ATG13: variants seen among roughly 807,000 people sequenced by gnomAD.
The protein encoded by ATG13 is autophagy-related protein 13.
A neutral mutation model predicts 65.5 loss-of-function variants in ATG13; 23 were observed. That is an observed-to-expected ratio of 0.35 (90% CI 0.25 to 0.50). The LOEUF (loss-of-function observed/expected upper bound fraction) is 0.50, where lower values mean the gene tolerates loss of function less well. ATG13 is among the 20% of genes least tolerant of loss of function. The pLI, the probability that ATG13 is intolerant of heterozygous loss-of-function variation, is 0.98. For synonymous variants in ATG13, 252 were observed against 245.2 expected (o/e 1.03, Z -0.26); for missense variants, 566 against 677.0 (o/e 0.84, Z 1.82).
chr11:46,663,618 A>T (rs2061638125), intron 11 of ATG13, among the ~76,000 whole-genome samples: 4 of 152,204 alleles, frequency 2.6e-5, no homozygotes, highest in Admixed American at 1.3e-4. Context: ...CACACCTTGC[A>T]TCTGCAGTCA....
At chr11:46,631,819 G>A (rs1017644660) in intron 2 of ATG13, among the ~76,000 whole-genome samples, 2 of 152,142 alleles carry the variant, frequency 1.3e-5, no homozygotes, top group African/African-American at 4.8e-5. Context: ...GTCCAGGCTT[G>A]CAGTGAGCTA....
intron 10 of ATG13, among the ~76,000 whole-genome samples, chr11:46,658,889 T>C (rs374092184): frequency 4.3e-4 from 66 of 152,222 alleles, no homozygotes; most frequent in African/African-American, 1.5e-3. Context: ...TCAGGTAAGA[T>C]GTTTGGGTTT....
At chr11:46,662,541 A>G (rs182491281) in intron 11 of ATG13, among the ~76,000 whole-genome samples, 4 of 152,186 alleles carry the variant, frequency 2.6e-5, no homozygotes, top group Non-Finnish European at 4.4e-5. Flanking sequence ...TTGCAATTTA[A>G]AACTAGATCA....
intron 1 of ATG13, chr11:46,629,771 G>GTT (rs2051029202): frequency 6.6e-6 from 1 of 152,072 alleles, no homozygotes; most frequent in African/African-American, 2.4e-5. Context: ...GCTCCCCCTT[G>GTT]TTAGAATACA....
At chr11:46,663,608 C>T (rs1044663914) in intron 11 of ATG13, among the ~76,000 whole-genome samples, 3 of 152,216 alleles carry the variant, frequency 2.0e-5, no homozygotes, top group African/African-American at 7.2e-5. Flanking sequence ...TCATCTTCAG[C>T]ACACCTTGCA....
chr11:46,655,948 G>A (rs1408316354), intron 7 of ATG13, among the ~76,000 whole-genome samples: 9 of 152,138 alleles, frequency 5.9e-5, no homozygotes, highest in African/African-American at 2.2e-4. Flanking sequence ...TGCCCAGACT[G>A]GTCTTGAACT....
In ATG13 at chr11:46,617,870, CTT is replaced by C; in HGVS notation, c.-88_-87del. 1 of 399,150 alleles carries C rather than the reference CTT, an allele frequency of 2.5e-6. No individual in the cohort carries two copies. The allele number at this position is 399,150 out of a possible 1,614,324, so 24.7% of individuals were successfully genotyped here. A position where few individuals can be genotyped will look rare whatever the true frequency, so the allele number is the denominator to read the frequency against. Reference sequence around the variant, plus strand: ...TCCGTAATGAGAGCCCGGAACCACTCTTTGTGCCGCAGCTTCGCAGGTACTAA... The same window carrying C: ...TCCGTAATGAGAGCCCGGAACCACTCTGTGCCGCAGCTTCGCAGGTACTAA... On this transcript the variant is annotated 5_prime_UTR_variant, in exon 1 of 19. An upstream open reading frame in the 5' UTR gains an earlier in-frame stop. Coordinates refer to ENST00000683050, the MANE Select transcript of ATG13 (RefSeq NM_001346311.2).
chr11:46,653,192 T>C (rs1430595255), intron 7 of ATG13, among the ~76,000 whole-genome samples: 1 of 150,726 alleles, frequency 6.6e-6, no homozygotes, highest in Non-Finnish European at 1.5e-5. Context: ...TTTTTTTTTT[T>C]TTTTTGAGGT....
intron 7 of ATG13, among the ~76,000 whole-genome samples, chr11:46,650,807 T>C (rs1489422887): frequency 6.6e-6 from 1 of 152,118 alleles, no homozygotes; most frequent in Non-Finnish European, 1.5e-5. Flanking sequence ...GGTTTCACCA[T>C]ATTGGCCAGG....
chr11:46,656,982 A>C, intron 8 of ATG13, 113 bp from the exon 9 acceptor site: 1 of 849,896 alleles, frequency 1.2e-6, no homozygotes, highest in Non-Finnish European at 2.0e-6. Flanking sequence ...TTAACATGCT[A>C]AGTGGATAAT....
intron 12 of ATG13, 92 bp from the exon 13 acceptor site, chr11:46,664,757 C>G (rs1486743206): frequency 7.7e-6 from 9 of 1,174,552 alleles, no homozygotes; most frequent in African/African-American, 3.0e-5. Context: ...CATTCCTTAT[C>G]TCTCTACTGA....
At chr11:46,656,343 C>T in intron 8 of ATG13, 70 bp downstream of exon 8, 5 of 1,438,514 alleles carry the variant, frequency 3.5e-6, no homozygotes, top group Non-Finnish European at 4.8e-6. Flanking sequence ...ATCTTCGTTT[C>T]TACTTGTTAT....
chr11:46,644,324 G>A lies in ATG13; in HGVS notation c.33G>A (p.Lys11=), dbSNP rs753793005. The A allele has an allele frequency of 1.2e-6, 2 of 1,610,706 alleles. No homozygotes were observed. The highest frequency in any genetic ancestry group is 1.7e-6 in the Non-Finnish European group (2 of 1,179,146). Reference sequence around the variant, plus strand: ...CTGATCTCAATTCCCAGGACAGAAAGGACCTGGACAAGTTTATTAAATTTT... The same window carrying A: ...CTGATCTCAATTCCCAGGACAGAAAAGACCTGGACAAGTTTATTAAATTTT... The part of the protein sequence containing the change: METDLNSQDR[K]DLDKFIKFFA... Residue 11 remains lysine (K), a synonymous_variant, in exon 3 of 19, where the codon AAG becomes AAA. Transcript: ENST00000683050.
In ATG13 at chr11:46,657,516, T is replaced by C; in HGVS notation, c.597-8T>C. ...AACAAATACTGGAATCTGCTTATTG[T>C]ATTACAGGCAATTTGAGAGGACCCC... is the stretch of plus-strand genomic sequence containing the variant. On this transcript the variant is annotated splice_region_variant and splice_polypyrimidine_tract_variant and intron_variant, in intron 9 of 18. Transcript: ENST00000683050. 1 of 1,611,034 alleles carries C rather than the reference T, an allele frequency of 6.2e-7. No individual in the cohort carries two copies.
chr11:46,626,811 C>A (rs923457359), intron 1 of ATG13, among the ~76,000 whole-genome samples: 1 of 152,142 alleles, frequency 6.6e-6, no homozygotes, highest in Non-Finnish European at 1.5e-5. Flanking sequence ...TTGTATTATA[C>A]TATAAAGAAG....
In ATG13 at chr11:46,633,291, G is replaced by T. The variant is rs538755413; in HGVS notation, c.-14+3191G>T. Among the ~76,000 whole-genome samples, 7 of 151,276 alleles carry T rather than the reference G, an allele frequency of 4.6e-5. No individual in the cohort carries two copies. In the South Asian group the frequency reaches 6.3e-4, roughly 14 times the overall value. On this transcript the variant is annotated intron_variant, in intron 2 of 18. Transcript: ENST00000683050. ...CTGCCTCACCCTCCCAAAGTGCTGG[G>T]ATTACAAGCGTGAGCCACTGCACCC...
Position 46,654,773 on chromosome 11 carries a change from A to G in ATG13, c.459-1460A>G, listed in dbSNP as rs535848409. Among the ~76,000 whole-genome samples the G allele has an allele frequency of 1.7e-4, 26 of 151,566 alleles. No individual in the cohort carries two copies. In the East Asian group the frequency reaches 4.9e-3, roughly 29 times the overall value. The stretch of plus-strand genomic sequence containing the variant: ...TGCAACCAGCCTGGGCAATAGTTAG[A>G]CCCTGTCTCTACCAAAAATTATTTT... On this transcript the variant is annotated intron_variant, in intron 7 of 18. Coordinates refer to ENST00000683050, the MANE Select transcript of ATG13 (RefSeq NM_001346311.2).
chr11:46,668,972 A>G (rs1390693834), intron 17 of ATG13, 62 bp downstream of exon 17: 6 of 1,303,932 alleles, frequency 4.6e-6, no homozygotes, highest in South Asian at 1.2e-5. Context: ...AGAAGCATCT[A>G]CTGCACTTGA....
rs1565648634 is a variant in ATG13 at position 46,672,400 on chromosome 11, C to T, written c.*68C>T. The T allele has an allele frequency of 9.9e-6, 16 of 1,611,414 alleles. No homozygotes were observed. In the East Asian group the frequency reaches 3.6e-4, roughly 36 times the overall value. ...AGGGCATAAGCAGCCTCCCATGCAT[C>T]AGCTGCTCCCACCCCTCATCCTGCT... On this transcript the variant is annotated 3_prime_UTR_variant, in exon 19 of 19. Transcript: ENST00000683050.
Sources: allele counts gnomAD v4.1 joint callset (sites outside exome capture counted in the v4.1 genomes callset), GRCh38; gene constraint gnomAD v4.1.1; transcripts MANE v1.5; gene names NCBI Gene and HGNC (gene_info 2026-07-23, HGNC 2026-07-21).